Variants in RARB observed in about 807,000 individuals in gnomAD.
RARB encodes HBV-activated protein.
A neutral mutation model predicts 51.9 loss-of-function variants in RARB; 17 were observed. The observed-to-expected ratio is 0.33, with a 90% CI of 0.22 to 0.49. The LOEUF (loss-of-function observed/expected upper bound fraction) is 0.49, where lower values mean the gene tolerates loss of function less well. RARB is among the 20% of genes least tolerant of loss of function. The pLI, the probability that RARB is intolerant of heterozygous loss-of-function variation, is 0.99. For synonymous variants in RARB, 215 were observed against 195.4 expected, an observed-to-expected ratio of 1.10 and a Z score of -0.84; for missense variants, 369 against 550.8, an observed-to-expected ratio of 0.67 and a Z score of 3.30.
chr3:24,859,031 T>G (rs1451178395), intron 2 of RARB, among the ~76,000 whole-genome samples: 1 of 109,930 alleles, frequency 9.1e-6, no homozygotes, highest in Non-Finnish European at 1.8e-5. Context: ...AGCAAGACTC[T>G]GTCTCAAAAA....
At chr3:24,973,301 A>G (rs556757005) in intron 2 of RARB, among the ~76,000 whole-genome samples, 2 of 151,962 alleles carry the variant, frequency 1.3e-5, no homozygotes, top group East Asian at 3.9e-4. Flanking sequence ...GTAGATTTAT[A>G]TCTGGATTCT....
intron 1 of RARB, among the ~76,000 whole-genome samples, chr3:25,447,522 A>G (rs1031915914): frequency 6.6e-6 from 1 of 152,164 alleles, no homozygotes; most frequent in African/African-American, 2.4e-5. Context: ...TCAGCAGTTG[A>G]TGTTGCTGAC....
At chr3:25,326,475 C>T (rs987845714) in intron 5 of RARB, among the ~76,000 whole-genome samples, 8 of 152,172 alleles carry the variant, frequency 5.3e-5, no homozygotes, top group Admixed American at 5.2e-4. Context: ...ATTTTTAATA[C>T]TTGGAAATGG....
At chr3:24,948,910 G>A (rs1695830334) in intron 2 of RARB, among the ~76,000 whole-genome samples, 1 of 152,082 alleles carries the variant, frequency 6.6e-6, no homozygotes, top group African/African-American at 2.4e-5. Flanking sequence ...TGTGCTTCCT[G>A]TACAGCCTGT....
intron 5 of RARB, among the ~76,000 whole-genome samples, chr3:25,296,299 A>G (rs929387648): frequency 2.6e-5 from 4 of 152,164 alleles, no homozygotes; most frequent in African/African-American, 9.6e-5. Flanking sequence ...TTTTCCCCCA[A>G]AGAAGCTGGT....
chr3:25,190,775 T>C lies in RARB; in HGVS notation c.178+16200T>C, dbSNP rs575753927. Among the ~76,000 whole-genome samples the C allele has an allele frequency of 2.6e-5, 4 of 152,234 alleles. No individual in the cohort carries two copies. In the South Asian group the frequency reaches 6.2e-4, roughly 24 times the overall value. On this transcript the variant is annotated intron_variant, in intron 5 of 11. Transcript: ENST00000383772. ...CTTGGCTACTTATGTCGCGTGCTGC[T>C]TAGAATGAGTTCACATCAGTAATAG...
chr3:25,408,871 T>G (rs567996249), intron 5 of RARB, among the ~76,000 whole-genome samples: 1 of 152,166 alleles, frequency 6.6e-6, no homozygotes, highest in East Asian at 1.9e-4. Context: ...CAGTCTCTAC[T>G]AAAAATACAA....
intron 2 of RARB, among the ~76,000 whole-genome samples, chr3:24,928,831 G>A (rs745907584): frequency 1.3e-5 from 2 of 152,018 alleles, no homozygotes; most frequent in Admixed American, 1.3e-4. Flanking sequence ...TGCAGTGATT[G>A]TAAATAATAT....
chr3:24,883,579 C>T (rs115463265), intron 2 of RARB, among the ~76,000 whole-genome samples: 3,591 of 152,152 alleles, frequency 0.024, 82 homozygotes, highest in Middle Eastern at 0.065. Context: ...TCAGTCTTGG[C>T]GATGGTTAAG....
intron 2 of RARB, among the ~76,000 whole-genome samples, chr3:24,998,905 G>C (rs115585557): frequency 1.3e-5 from 2 of 152,040 alleles, no homozygotes; most frequent in Non-Finnish European, 2.9e-5. Flanking sequence ...ATTGTGCTAG[G>C]ATCTTTCACA....
chr3:25,594,171 A>G (rs1701722411), intron 6 of RARB, among the ~76,000 whole-genome samples: 1 of 152,186 alleles, frequency 6.6e-6, no homozygotes, highest in South Asian at 2.1e-4. Context: ...TAAGTGGTTA[A>G]AAAGTAATGG....
chr3:25,290,488 T>C (rs1206812891), intron 5 of RARB, among the ~76,000 whole-genome samples: 2 of 152,188 alleles, frequency 1.3e-5, no homozygotes, highest in South Asian at 2.1e-4. Context: ...TGTTTTGTTA[T>C]GGCAGCCCTA....
intron 5 of RARB, among the ~76,000 whole-genome samples, chr3:25,242,770 A>G (rs1057120562): frequency 6.6e-6 from 1 of 152,170 alleles, no homozygotes; most frequent in Non-Finnish European, 1.5e-5. Flanking sequence ...CTTTTTGCTT[A>G]AGATTGTGTT....
At chr3:24,847,423 A>G (rs1702498511) in intron 1 of RARB, among the ~76,000 whole-genome samples, 1 of 152,212 alleles carries the variant, frequency 6.6e-6, no homozygotes, top group Non-Finnish European at 1.5e-5. Flanking sequence ...TTAGTTTTCC[A>G]TATGAATTCT....
intron 2 of RARB, among the ~76,000 whole-genome samples, chr3:24,888,710 T>G (rs1703313640): frequency 6.6e-6 from 1 of 152,166 alleles, no homozygotes; most frequent in Non-Finnish European, 1.5e-5. Context: ...TGTGCATTGA[T>G]GGATATAAAT....
chr3:25,295,111 C>A (rs543672826), intron 5 of RARB, among the ~76,000 whole-genome samples: 1 of 152,294 alleles, frequency 6.6e-6, no homozygotes, highest in African/African-American at 2.4e-5. Flanking sequence ...GCTAGAGGGG[C>A]AACATGGTAC....
intron 2 of RARB, among the ~76,000 whole-genome samples, chr3:25,022,411 G>A (rs1247535583): frequency 6.6e-6 from 1 of 152,140 alleles, no homozygotes; most frequent in Non-Finnish European, 1.5e-5. Context: ...TGTATAAGTT[G>A]TATAGGATTT....
At chr3:24,901,721 T>C (rs1050858416) in intron 2 of RARB, among the ~76,000 whole-genome samples, 3 of 152,208 alleles carry the variant, frequency 2.0e-5, no homozygotes, top group African/African-American at 4.8e-5. Context: ...CTTCTTGTGA[T>C]GCCCAGCTCA....
intron 2 of RARB, among the ~76,000 whole-genome samples, chr3:24,941,392 C>T (rs1486897704): frequency 6.9e-6 from 1 of 145,300 alleles, no homozygotes; most frequent in Non-Finnish European, 1.5e-5. Flanking sequence ...TTTTTTGAGA[C>T]AGAGTCTCAC....
Sources: allele counts gnomAD v4.1 joint callset (sites outside exome capture counted in the v4.1 genomes callset), GRCh38; gene constraint gnomAD v4.1.1; transcripts MANE v1.5; gene names NCBI Gene and HGNC (gene_info 2026-07-23, HGNC 2026-07-21).